Variants in POLR2E observed in about 807,000 individuals in gnomAD.
The protein encoded by POLR2E is DNA-directed RNA polymerases I, II, and III subunit RPABC1.
In POLR2E, 35 loss-of-function variants were observed where a neutral mutation model predicts 29.8. The ratio of observed to expected loss-of-function variants is 1.17; its 90% CI spans 0.90 to 1.55. The LOEUF (loss-of-function observed/expected upper bound fraction) is 1.55. Ranked by LOEUF, POLR2E falls within the 40% of genes most tolerant of loss-of-function variation. POLR2E has a pLI of 0.00. For synonymous variants in POLR2E, 174 were observed against 112.6 expected (o/e 1.55, Z -3.45); for missense variants, 287 against 288.6 (o/e 0.99, Z 0.04).
intron 3 of POLR2E, 49 bp downstream of exon 3, chr19:1,091,743 G>C (rs2043835694): frequency 7.9e-7 from 1 of 1,267,546 alleles, no homozygotes; most frequent in African/African-American, 1.5e-5. Context: ...GCTTGCGGGA[G>C]GAGGCTGGGG....
Position 1,090,152 on chromosome 19 carries a change from A to C in POLR2E, c.430-7T>G. On this transcript the variant is annotated splice_region_variant and splice_polypyrimidine_tract_variant and intron_variant, in intron 4 of 7. Transcript: ENST00000615234. Reference sequence around the variant, plus strand: ...CGACGTGCTCAGGGACTAGCTGCCGAGAGAGGAAGCCACCAGGCATCACCA... The same window carrying C: ...CGACGTGCTCAGGGACTAGCTGCCGCGAGAGGAAGCCACCAGGCATCACCA... The C allele has an allele frequency of 6.2e-7, 1 of 1,612,234 alleles. No individual in the cohort carries two copies. Among genetic ancestry groups the C allele is most frequent in the Non-Finnish European group, 8.5e-7 (1 of 1,179,768 alleles).
chr19:1,095,038 G>T, intron 1 of POLR2E: 4 of 412,332 alleles, frequency 9.7e-6, no homozygotes, highest in Admixed American at 4.0e-5. Flanking sequence ...CCACCCCTAA[G>T]CACCGCACCC....
intron 6 of POLR2E, 140 bp downstream of exon 6, chr19:1,089,744 G>T: frequency 1.3e-6 from 1 of 796,582 alleles, no homozygotes; most frequent in Non-Finnish European, 2.1e-6. Context: ...CTTTAAGAGG[G>T]GGATATTGGG....
chr19:1,089,876 G>A lies in POLR2E; in HGVS notation c.567+8C>T, dbSNP rs767136533. On this transcript the variant is annotated splice_region_variant and intron_variant, in intron 6 of 7. Coordinates refer to ENST00000615234, the MANE Select transcript of POLR2E (RefSeq NM_002695.5). ...AGCCCCAGGGCCCCTTCTCCCCACA[G>A]GGCTCACCTGCCCACGCTTTATCCC... is the stretch of plus-strand genomic sequence containing the variant. 4 of 1,609,398 alleles carry A rather than the reference G, an allele frequency of 2.5e-6. No individual in the cohort carries two copies. Among genetic ancestry groups the A allele is most frequent in the South Asian group, 1.1e-5 (1 of 90,918 alleles).
intron 2 of POLR2E, among the ~76,000 whole-genome samples, chr19:1,092,560 C>T (rs1432928829): frequency 3.3e-5 from 5 of 151,940 alleles, no homozygotes; most frequent in Admixed American, 2.0e-4. Flanking sequence ...AATTAGCCCA[C>T]GCCCGCAGTC....
rs757222682 is a variant in POLR2E, at chr19:1,091,032, CA to C, written c.349-45del. ...AAGGCACGGCCCGGAGGGGCCCAGA[CA>C]ACCCCAACCCCATTTCCTGCCTCAA... On this transcript the variant is annotated intron_variant, in intron 3 of 7. Transcript: ENST00000615234. The C allele has an allele frequency of 1.4e-5, 21 of 1,538,102 alleles. No individual in the cohort carries two copies. The South Asian group carries it at 2.1e-4, about 16-fold the overall frequency.
At chr19:1,095,194 G>T in intron 1 of POLR2E, 65 bp downstream of exon 1, 1 of 1,516,624 alleles carries the variant, frequency 6.6e-7, no homozygotes, top group Non-Finnish European at 9.1e-7. Flanking sequence ...CGCCGTGCTC[G>T]ACCCCACCTC....
chr19:1,089,800 G>C, intron 6 of POLR2E, 84 bp downstream of exon 6: 1 of 1,112,790 alleles, frequency 9.0e-7, no homozygotes, highest in Non-Finnish European at 1.3e-6. Context: ...AAGGGGGAGG[G>C]GCTGTCGGGG....
intron 2 of POLR2E, among the ~76,000 whole-genome samples, chr19:1,092,561 G>A (rs540049974): frequency 2.6e-5 from 4 of 151,882 alleles, no homozygotes; most frequent in African/African-American, 9.7e-5. Flanking sequence ...ATTAGCCCAC[G>A]CCCGCAGTCC....
chr19:1,095,360 A>G lies in POLR2E; in HGVS notation c.-45T>C, dbSNP rs896982553. Reference sequence around the variant, plus strand: ...GCCGCTCGCACCCCTTCTCCGCGCGAGAACCCGCGCGGACTGCGCCTGCGC... The same window carrying G: ...GCCGCTCGCACCCCTTCTCCGCGCGGGAACCCGCGCGGACTGCGCCTGCGC... On this transcript the variant is annotated 5_prime_UTR_variant, in exon 1 of 8. Coordinates refer to ENST00000615234, the MANE Select transcript of POLR2E (RefSeq NM_002695.5). 2.4e-5 allele frequency: 38 copies of G among 1,608,838 alleles called. No individual in the cohort carries two copies. Among genetic ancestry groups the G allele is most frequent in the Non-Finnish European group, 3.1e-5 (36 of 1,176,914 alleles).
At position 1,090,870 on chromosome 19, in the gene POLR2E, C is replaced by A. The variant is rs747592298; in HGVS notation, c.429+38G>T. ...CCACCCACAAACGCTGCATCTCTGC[C>A]GGCCCCACGCAGGCGGGATTCCGCG... On this transcript the variant is annotated intron_variant, in intron 4 of 7. Coordinates refer to ENST00000615234, the MANE Select transcript of POLR2E (RefSeq NM_002695.5). 5.1e-6 allele frequency: 8 copies of A among 1,572,434 alleles called. No individual in the cohort carries two copies. In the Admixed American group the frequency reaches 8.4e-5, roughly 17 times the overall value.
At chr19:1,092,052 G>A (rs941444762) in intron 2 of POLR2E, 145 bp from the exon 3 acceptor site, 17 of 625,768 alleles carry the variant, frequency 2.7e-5, no homozygotes, top group Admixed American at 7.3e-5. Context: ...TGCAAAACGA[G>A]GCCTGAGTTG....
At chr19:1,089,751 T>G in intron 6 of POLR2E, 133 bp downstream of exon 6, 1 of 809,994 alleles carries the variant, frequency 1.2e-6, no homozygotes, top group East Asian at 2.7e-5. Context: ...AGGGGGATAT[T>G]GGGGGTGTGG....
chr19:1,088,826 G>A (rs887395992), intron 7 of POLR2E, 106 bp from the exon 8 acceptor site: 2 of 152,576 alleles, frequency 1.3e-5, no homozygotes, highest in African/African-American at 4.8e-5. Flanking sequence ...GGCAGGAGGC[G>A]GCCCAGGCCG....
rs752399749 is a variant in POLR2E at position 1,089,504 on chromosome 19, G to A, written c.615C>T (p.Thr205=). 9 of 1,613,636 alleles carry A rather than the reference G, an allele frequency of 5.6e-6. No individual in the cohort carries two copies. The highest frequency in any genetic ancestry group is 2.2e-5 in the South Asian group (2 of 91,074). ...GCGGTAGCTACTGCACCAGCCGGTA[G>A]GTGATGTACCTGCCAGCCGTCTCAC... is the stretch of plus-strand genomic sequence containing the variant. ...RPSETAGRYI[T]YRLVQ The change falls in exon 7 of 8, where the codon ACC becomes ACT. Residue 205 remains threonine (T), a synonymous_variant. Coordinates refer to ENST00000615234, the MANE Select transcript of POLR2E (RefSeq NM_002695.5).
rs562563777 is a variant in POLR2E, at chr19:1,093,520, AAGG to A, written c.232+381_232+383del. Among the ~76,000 whole-genome samples the A allele has an allele frequency of 3.2e-3, 490 of 152,218 alleles. 2 individuals carry two copies. Among genetic ancestry groups the A allele is most frequent in the African/African-American group, 0.01 (425 of 41,544 alleles). ...GGGGCGGGCAGGGGCCGCAGCTCAC[AAGG>A]AGGCTGCGCTGACCCAGACGGGGCC... On this transcript the variant is annotated intron_variant, in intron 2 of 7. Coordinates refer to ENST00000615234, the MANE Select transcript of POLR2E (RefSeq NM_002695.5).
chr19:1,094,681 G>C (rs950458854), intron 1 of POLR2E: 2 of 157,584 alleles, frequency 1.3e-5, no homozygotes, highest in African/African-American at 4.8e-5. Flanking sequence ...CAAAGCAAAA[G>C]CTCTCAAACG....
chr19:1,089,388 G>T (rs1433451476), intron 7 of POLR2E, 84 bp downstream of exon 7: 21 of 911,048 alleles, frequency 2.3e-5, no homozygotes, highest in Non-Finnish European at 3.3e-5. Flanking sequence ...GCCGGACAAA[G>T]CAAGAACAGC....
chr19:1,091,279 C>G (rs540938734), intron 3 of POLR2E, among the ~76,000 whole-genome samples: 54 of 152,360 alleles, frequency 3.5e-4, no homozygotes, highest in Admixed American at 8.5e-4. Context: ...GACCTCTTCC[C>G]CATACAGGGG....
Sources: gnomAD v4.1 joint callset for allele counts (sites outside exome capture counted in the v4.1 genomes callset) on GRCh38, gnomAD v4.1.1 for gene constraint, MANE v1.5 for transcripts, NCBI Gene and HGNC (gene_info 2026-07-23, HGNC 2026-07-21) for gene names.